ZSCAN26: variants seen among roughly 807,000 people sequenced by gnomAD.
ZSCAN26 encodes zinc finger and SCAN domain-containing protein 26.
In ZSCAN26, 26 loss-of-function variants were observed where a neutral mutation model predicts 23.0. The ratio of observed to expected loss-of-function variants is 1.13; its 90% CI spans 0.83 to 1.57. The LOEUF (loss-of-function observed/expected upper bound fraction) is 1.57. ZSCAN26 is among the 40% of genes most tolerant of loss of function. The pLI is 0.00. For missense variants in ZSCAN26, 528 were observed against 568.5 expected (o/e 0.93, Z 0.72); for synonymous variants, 180 against 202.5 (o/e 0.89, Z 0.94).
intron 3 of ZSCAN26, among the ~76,000 whole-genome samples, 186 bp from the exon 4 acceptor site, chr6:28,276,009 C>T (rs1187973655): frequency 1.3e-5 from 2 of 152,196 alleles, no homozygotes; most frequent in African/African-American, 4.8e-5. Context: ...CATCTTTCCC[C>T]AAAGACAGTC....
chr6:28,271,949 C>T lies in ZSCAN26; in HGVS notation c.30C>T (p.Ser10=). The T allele has an allele frequency of 1.3e-6, 2 of 1,551,512 alleles. No individual in the cohort carries two copies. Among genetic ancestry groups the T allele is most frequent in the Non-Finnish European group, 1.7e-6 (2 of 1,146,894 alleles). MATALVSAH[S]LAPLNLKKEG... ...CAACAGCATTGGTGAGTGCCCATTC[C>T]CTGGCTCCCCTGAATCTGAAGAAGG... Residue 10 remains serine (S), a synonymous_variant, in exon 2 of 4, where the codon TCC becomes TCT. Coordinates refer to ENST00000421553, the MANE Select transcript of ZSCAN26 (RefSeq NM_001023560.4).
Position 28,277,337 on chromosome 6 carries a change from A to C in ZSCAN26, c.*241A>C. ...AGCATTCTTCACTGCAGGACATCTC[A>C]GAGCATGTAACATAACTGCATGATT... is the stretch of plus-strand genomic sequence containing the variant. On this transcript the variant is annotated 3_prime_UTR_variant, in exon 4 of 4. Transcript: ENST00000421553. 1 of 518,698 alleles carries C rather than the reference A, an allele frequency of 1.9e-6. No individual in the cohort carries two copies. Among genetic ancestry groups the C allele is most frequent in the Non-Finnish European group, 3.5e-6 (1 of 289,712 alleles). The allele number at this position is 518,698 out of a possible 1,614,324, so 32.1% of individuals were successfully genotyped here.
At chr6:28,274,115 A>G (rs1255443473) in intron 3 of ZSCAN26, among the ~76,000 whole-genome samples, 2 of 150,856 alleles carry the variant, frequency 1.3e-5, no homozygotes, top group East Asian at 1.9e-4. Flanking sequence ...AGAACTAATT[A>G]CATTATATTG....
rs938957834 is a variant in ZSCAN26 at position 28,276,484 on chromosome 6, C to T, written c.828C>T (p.Val276=). The change falls in exon 4 of 4, where the codon GTC becomes GTT. Residue 276 remains valine, a synonymous_variant. Coordinates refer to ENST00000421553, the MANE Select transcript of ZSCAN26 (RefSeq NM_001023560.4). ...CCAGTCTTACAGGACATAAGAAAGTCCTCTCTAGAGAGAAAGGTCATCAGT... is the reference window on the plus strand; with the variant it reads ...CCAGTCTTACAGGACATAAGAAAGTTCTCTCTAGAGAGAAAGGTCATCAGT... ...QSSSLTGHKK[V]LSREKGHQCH... 2 of 1,613,910 alleles carry T rather than the reference C, an allele frequency of 1.2e-6. No individual in the cohort carries two copies. Among genetic ancestry groups the T allele is most frequent in the Non-Finnish European group, 1.7e-6 (2 of 1,179,856 alleles).
intron 3 of ZSCAN26, 79 bp downstream of exon 3, chr6:28,272,866 T>G: frequency 8.2e-7 from 1 of 1,214,280 alleles, no homozygotes; most frequent in Admixed American, 2.4e-5. Flanking sequence ...TTAGCACCCT[T>G]GTATTTTGTT....
chr6:28,270,144 T>A (rs1469396534), intron 1 of ZSCAN26, among the ~76,000 whole-genome samples: 1 of 152,146 alleles, frequency 6.6e-6, no homozygotes, highest in African/African-American at 2.4e-5. Context: ...GGGGTTTCAC[T>A]GATAATCATC....
chr6:28,267,261 C>G (rs1341713206), intron 1 of ZSCAN26, 48 bp downstream of exon 1: 1 of 152,268 alleles, frequency 6.6e-6, no homozygotes, highest in African/African-American at 2.4e-5. Context: ...GAACTGCGGC[C>G]TAGGGGCCTA....
chr6:28,272,329 G>A lies in ZSCAN26; in HGVS notation c.410G>A (p.Gly137Glu). 1 of 1,533,680 alleles carries A rather than the reference G, an allele frequency of 6.5e-7. No homozygotes were observed. Among genetic ancestry groups the A allele is most frequent in the East Asian group, 2.4e-5 (1 of 41,650 alleles). Residue 137 changes from glycine (G) to glutamate (E), a missense_variant, in exon 2 of 4, where the codon GGA becomes GAA. By Grantham distance (98) the Gly-to-Glu change is moderately conservative. Coordinates refer to ENST00000421553, the MANE Select transcript of ZSCAN26 (RefSeq NM_001023560.4). ...TTGCAGCTGGATCTTGGAGAAACAG[G>A]ACAACAGGTGGTAAGGGTCAGATGT... ...EDLQLDLGET[G>E]QQVDPDQPKK...
At chr6:28,269,988 G>A (rs1020051258) in intron 1 of ZSCAN26, among the ~76,000 whole-genome samples, 1 of 152,072 alleles carries the variant, frequency 6.6e-6, no homozygotes, top group African/African-American at 2.4e-5. Flanking sequence ...CTGTCGCCCA[G>A]GCTGGAGTGC....
intron 1 of ZSCAN26, among the ~76,000 whole-genome samples, chr6:28,271,529 A>T (rs933186916): frequency 6.6e-6 from 1 of 151,690 alleles, no homozygotes; most frequent in African/African-American, 2.4e-5. Flanking sequence ...TGGTGTCACT[A>T]TGTTGCCCAG....
intron 3 of ZSCAN26, among the ~76,000 whole-genome samples, chr6:28,275,748 A>G (rs1761903654): frequency 6.6e-6 from 1 of 152,208 alleles, no homozygotes; most frequent in Non-Finnish European, 1.5e-5. Context: ...AAGATTACAC[A>G]GTTAGTGATA....
chr6:28,275,017 A>C (rs1419183), intron 3 of ZSCAN26, among the ~76,000 whole-genome samples: 25,428 of 152,002 alleles, frequency 0.17, 2,510 homozygotes, highest in African/African-American at 0.27. Flanking sequence ...TATTTAATTT[A>C]TTCACTCCCC....
chr6:28,276,098 A>G (rs535850386), intron 3 of ZSCAN26, 97 bp from the exon 4 acceptor site: 545 of 1,124,072 alleles, frequency 4.8e-4, no homozygotes, highest in Non-Finnish European at 6.0e-4. Flanking sequence ...TACTTTGCAC[A>G]CATGGCTTCA....
intron 1 of ZSCAN26, among the ~76,000 whole-genome samples, chr6:28,267,643 A>G (rs1176675124): frequency 6.6e-6 from 1 of 152,190 alleles, no homozygotes; most frequent in Non-Finnish European, 1.5e-5. Context: ...CAGTGAACAA[A>G]GGCGACCTTT....
intron 1 of ZSCAN26, among the ~76,000 whole-genome samples, chr6:28,269,992 G>A (rs932856754): frequency 1.3e-5 from 2 of 152,082 alleles, no homozygotes; most frequent in Non-Finnish European, 2.9e-5. Flanking sequence ...CGCCCAGGCT[G>A]GAGTGCAGTG....
intron 3 of ZSCAN26, among the ~76,000 whole-genome samples, chr6:28,274,569 G>A (rs1008875276): frequency 5.3e-5 from 8 of 152,250 alleles, no homozygotes; most frequent in Admixed American, 5.2e-4. Flanking sequence ...GTGAAACCCT[G>A]TCCTCTACAA....
chr6:28,272,418 C>A, intron 2 of ZSCAN26, 79 bp downstream of exon 2: 1 of 1,408,000 alleles, frequency 7.1e-7, no homozygotes, highest in Non-Finnish European at 9.4e-7. Context: ...GGCTCATCAG[C>A]GGAAGGAGAA....
chr6:28,270,425 T>C (rs1761633977), intron 1 of ZSCAN26, among the ~76,000 whole-genome samples: 1 of 152,146 alleles, frequency 6.6e-6, no homozygotes, highest in Non-Finnish European at 1.5e-5. Context: ...TACTCAAGCA[T>C]AGTCAAAATC....
intron 3 of ZSCAN26, among the ~76,000 whole-genome samples, chr6:28,274,087 C>CTT (rs11441808): frequency 6.0e-4 from 89 of 149,344 alleles, no homozygotes; most frequent in African/African-American, 1.9e-3. Flanking sequence ...TTCATTTCTT[C>CTT]TTTTTTTTTT....
Sources: gnomAD v4.1 joint callset for allele counts (sites outside exome capture counted in the v4.1 genomes callset) on GRCh38, gnomAD v4.1.1 for gene constraint, MANE v1.5 for transcripts, NCBI Gene and HGNC (gene_info 2026-07-23, HGNC 2026-07-21) for gene names.